RAB27A: variants seen among roughly 807,000 people sequenced by gnomAD.
RAB27A encodes the protein RAB27A, member RAS oncogene family.
Under a neutral mutation model 20.8 loss-of-function variants are expected in RAB27A, and 17 were observed. The observed-to-expected ratio is 0.82, with a 90% confidence interval of 0.56 to 1.23. RAB27A has a LOEUF of 1.23. RAB27A is among the 50% of genes most tolerant of loss of function. RAB27A has a pLI of 0.00. For missense variants in RAB27A, 277 were observed against 266.7 expected (o/e 1.04, Z -0.27); for synonymous variants, 85 against 92.8 (o/e 0.92, Z 0.48).
rs1312544275 is a variant in RAB27A, at chr15:55,223,981, G to A, written c.375C>T (p.Asn125=). 1 of 1,602,722 alleles carries A rather than the reference G, an allele frequency of 6.2e-7. No homozygotes were observed. Among genetic ancestry groups the A allele is most frequent in the Admixed American group, 1.7e-5 (1 of 59,998 alleles). The change falls in exon 6 of 7, where the codon AAC becomes AAT. Residue 125 remains asparagine (N), a synonymous_variant. Coordinates refer to ENST00000336787, the MANE Select transcript of RAB27A (RefSeq NM_183235.3). ...TGTTTCCACACAGCACTATATCTGG[G>A]TTTTCACAATATGCATGCATCTGTA... ...SQLQMHAYCE[N]PDIVLCGNKS...
chr15:55,242,775 G>A (rs1896542916), intron 2 of RAB27A, among the ~76,000 whole-genome samples: 1 of 152,114 alleles, frequency 6.6e-6, no homozygotes, highest in Non-Finnish European at 1.5e-5. Context: ...AGACCTAGGA[G>A]TACCCATCAG....
chr15:55,264,056 G>A (rs1897371254), intron 2 of RAB27A, among the ~76,000 whole-genome samples: 1 of 152,096 alleles, frequency 6.6e-6, no homozygotes, highest in African/African-American at 2.4e-5. Context: ...GTTTGTTTTT[G>A]TTTTTTGAGA....
At chr15:55,304,610 T>C (rs2141143964) in intron 2 of RAB27A, among the ~76,000 whole-genome samples, 1 of 152,344 alleles carries the variant, frequency 6.6e-6, no homozygotes, top group Non-Finnish European at 1.5e-5. Context: ...AATGAAAACA[T>C]ACCAATAGGT....
At chr15:55,246,533 T>C (rs1357070119) in intron 2 of RAB27A, among the ~76,000 whole-genome samples, 5 of 151,344 alleles carry the variant, frequency 3.3e-5, no homozygotes, top group Non-Finnish European at 7.4e-5. Context: ...TTATGGAAAG[T>C]AAATTCACCA....
chr15:55,299,816 C>A (rs1595754669), intron 2 of RAB27A, among the ~76,000 whole-genome samples: 1 of 148,714 alleles, frequency 6.7e-6, no homozygotes, highest in Admixed American at 6.7e-5. Context: ...ATCCTAATTT[C>A]TTTTTTTTTC....
At chr15:55,293,646 G>A (rs189070372), upstream of RAB27A, among the ~76,000 whole-genome samples, 155 of 152,170 alleles carry the variant, frequency 1.0e-3, no homozygotes, top group Admixed American at 5.2e-3. Context: ...GGCCAGGCGC[G>A]GTGGCTCACG....
intron 6 of RAB27A, among the ~76,000 whole-genome samples, chr15:55,219,911 C>T (rs893794291): frequency 1.4e-4 from 21 of 151,846 alleles, no homozygotes; most frequent in Non-Finnish European, 2.4e-4. Context: ...GACCTAAGAG[C>T]TTCATATTAC....
chr15:55,275,473 A>T (rs558958945), intron 1 of RAB27A, among the ~76,000 whole-genome samples: 2 of 151,882 alleles, frequency 1.3e-5, no homozygotes, highest in East Asian at 3.9e-4. Context: ...CTAAAAATAC[A>T]AAAATTAGCT....
At chr15:55,280,503 TTATATATATA>T (rs71297648) in intron 1 of RAB27A, among the ~76,000 whole-genome samples, 3 of 137,932 alleles carry the variant, frequency 2.2e-5, no homozygotes, top group Non-Finnish European at 3.1e-5. Context: ...TGGGTATGGT[TTATATATATA>T]TATATATATA....
chr15:55,213,681 T>C (rs1895132567), intron 6 of RAB27A, among the ~76,000 whole-genome samples: 1 of 152,206 alleles, frequency 6.6e-6, no homozygotes, highest in Non-Finnish European at 1.5e-5. Context: ...TATTGTGAAC[T>C]GCCCATGTGA....
At chr15:55,214,455 C>A (rs1326042196) in intron 6 of RAB27A, among the ~76,000 whole-genome samples, 1 of 152,140 alleles carries the variant, frequency 6.6e-6, no homozygotes, top group African/African-American at 2.4e-5. Context: ...ACAACAACAA[C>A]AAAAACTGGT....
At chr15:55,275,747 A>G (rs958941738) in intron 1 of RAB27A, among the ~76,000 whole-genome samples, 2 of 152,038 alleles carry the variant, frequency 1.3e-5, no homozygotes, top group African/African-American at 2.4e-5. Flanking sequence ...ACAACCCCCA[A>G]AAGAAAAAAA....
intron 2 of RAB27A, among the ~76,000 whole-genome samples, chr15:55,297,998 C>A (rs577749946): frequency 1.1e-4 from 16 of 151,874 alleles, no homozygotes; most frequent in South Asian, 2.1e-4. Flanking sequence ...GTCAGGAGAT[C>A]GAGACCGTCC....
chr15:55,246,330 G>A (rs954376154), intron 2 of RAB27A, among the ~76,000 whole-genome samples: 1 of 152,066 alleles, frequency 6.6e-6, no homozygotes, highest in Admixed American at 6.6e-5. Flanking sequence ...ACAAACAACT[G>A]TATGTTAGGA....
intron 2 of RAB27A, among the ~76,000 whole-genome samples, chr15:55,245,818 T>C (rs1382052660): frequency 2.0e-5 from 3 of 152,198 alleles, no homozygotes; most frequent in East Asian, 3.9e-4. Context: ...GAATTAAATA[T>C]ACATTTCTGG....
chr15:55,284,358 G>A (rs1334946948), intron 1 of RAB27A, among the ~76,000 whole-genome samples: 1 of 152,096 alleles, frequency 6.6e-6, no homozygotes, highest in Non-Finnish European at 1.5e-5. Context: ...AAGCAAGCAG[G>A]CTTTCCATAA....
At chr15:55,296,553 A>G (rs980711618) in intron 2 of RAB27A, among the ~76,000 whole-genome samples, 2 of 152,210 alleles carry the variant, frequency 1.3e-5, no homozygotes. Flanking sequence ...AAGGAAAAAG[A>G]TGAGCCAGAA....
chr15:55,264,111 G>A (rs1897374119), intron 2 of RAB27A, among the ~76,000 whole-genome samples: 1 of 152,172 alleles, frequency 6.6e-6, no homozygotes, highest in African/African-American at 2.4e-5. Flanking sequence ...GAGTGCAGTG[G>A]TCCGATCTTG....
chr15:55,245,272 C>A (rs1405822113), intron 2 of RAB27A, among the ~76,000 whole-genome samples: 3 of 152,174 alleles, frequency 2.0e-5, no homozygotes, highest in Admixed American at 6.6e-5. Context: ...CTCATCTCAA[C>A]TTCTGGTCTA....
Sources: gnomAD v4.1 joint callset for allele counts (sites outside exome capture counted in the v4.1 genomes callset) on GRCh38, gnomAD v4.1.1 for gene constraint, MANE v1.5 for transcripts, NCBI Gene and HGNC (gene_info 2026-07-23, HGNC 2026-07-21) for gene names.